SMCHD1: variants seen among roughly 807,000 people sequenced by gnomAD.
The protein encoded by SMCHD1 is structural maintenance of chromosomes flexible hinge domain containing 1, also known as structural maintenance of chromosomes flexible hinge domain-containing protein 1.
SMCHD1 carries 78 observed loss-of-function variants against 254.7 expected under a neutral mutation model. The observed-to-expected ratio is 0.31, with a 90% CI of 0.26 to 0.37. The LOEUF is 0.37. Ranked by LOEUF, SMCHD1 falls within the 10% of genes least tolerant of loss-of-function variation. The pLI is 1.00. For synonymous variants in SMCHD1, 766 were observed against 794.9 expected (o/e 0.96, Z 0.61); for missense variants, 1,840 against 2,408.1 (o/e 0.76, Z 4.94).
chr18:2,785,647 CAAA>C (rs1555656125), intron 45 of SMCHD1, among the ~76,000 whole-genome samples: 7 of 12,670 alleles, frequency 5.5e-4, no homozygotes, highest in Non-Finnish European at 1.1e-3. Flanking sequence ...GACTCTGTCT[CAAA>C]AAAAAAAAAA....
rs902950556 is a variant in SMCHD1, at chr18:2,732,631, G to A, written c.3276+139G>A. On this transcript the variant is annotated intron_variant, in intron 25 of 47. Coordinates refer to ENST00000320876, the MANE Select transcript of SMCHD1 (RefSeq NM_015295.3). Reference sequence around the variant, plus strand: ...GTTATACTATCATTTCAAATTGTAAGCAGAATAAGCTTTTTTCATGGAATA... The same window carrying A: ...GTTATACTATCATTTCAAATTGTAAACAGAATAAGCTTTTTTCATGGAATA... The A allele has an allele frequency of 4.2e-5, 24 of 576,182 alleles. No individual in the cohort carries two copies. In the East Asian group the frequency reaches 6.7e-4, roughly 16 times the overall value. The allele number at this position is 576,182 out of a possible 1,614,324, so 35.7% of individuals were successfully genotyped here.
At chr18:2,656,871 G>T (rs143131797) in intron 1 of SMCHD1, among the ~76,000 whole-genome samples, 1 of 152,182 alleles carries the variant, frequency 6.6e-6, no homozygotes, top group Admixed American at 6.5e-5. Context: ...CTGCCTGTCT[G>T]AGCCCTAACC....
At chr18:2,693,886 C>T (rs2074234052) in intron 7 of SMCHD1, among the ~76,000 whole-genome samples, 1 of 152,196 alleles carries the variant, frequency 6.6e-6, no homozygotes, top group Non-Finnish European at 1.5e-5. Context: ...CCGCCTCAAC[C>T]TCCCAAAGTG....
chr18:2,763,591 A>T, intron 36 of SMCHD1, 46 bp from the exon 37 acceptor site: 1 of 1,431,748 alleles, frequency 7.0e-7, no homozygotes, highest in East Asian at 2.5e-5. Flanking sequence ...TCTGGGTTTA[A>T]TCTTCTCATC....
Position 2,789,454 on chromosome 18 carries a change from C to T in SMCHD1, c.5719+4833C>T, listed in dbSNP as rs558713323. On this transcript the variant is annotated intron_variant, in intron 45 of 47. Transcript: ENST00000320876. ...GGAAGGTGAATAAAAATACAAATAT[C>T]ACACGTTAAAAATTAAACCTTTAAA... Among the ~76,000 whole-genome samples, 8 of 152,234 alleles carry T rather than the reference C, an allele frequency of 5.3e-5. No homozygotes were observed. In the East Asian group the frequency reaches 1.5e-3, roughly 29 times the overall value.
chr18:2,799,086 CA>C (rs746696790), intron 47 of SMCHD1, among the ~76,000 whole-genome samples: 6 of 152,016 alleles, frequency 3.9e-5, no homozygotes, highest in African/African-American at 4.8e-5. Context: ...TATAGATTTA[CA>C]GTGTTGTACT....
chr18:2,688,863 A>G (rs545122267), intron 7 of SMCHD1, 116 bp downstream of exon 7: 33 of 615,554 alleles, frequency 5.4e-5, no homozygotes, highest in African/African-American at 5.1e-4. Flanking sequence ...TTTAGTCATA[A>G]TAACAAAAAT....
intron 8 of SMCHD1, 77 bp downstream of exon 8, chr18:2,694,770 G>A (rs1458903703): frequency 7.2e-6 from 9 of 1,256,744 alleles, no homozygotes; most frequent in Non-Finnish European, 1.0e-5. Context: ...ATATATTGAA[G>A]CCTCTTTGGT....
rs932051534 is a variant in SMCHD1 at position 2,804,675 on chromosome 18, C to T, written c.*2123C>T. The T allele has an allele frequency of 6.6e-6, 1 of 152,106 alleles. No individual in the cohort carries two copies. The highest frequency in any genetic ancestry group is 2.4e-5 in the African/African-American group (1 of 41,408). 9.4% of individuals were successfully genotyped at this position (152,106 alleles called of 1,614,324 possible). ...GTTGGATTTATCTAAGGATATTTCT[C>T]AGCATATTAAGGAATCCTTTTCTAC... On this transcript the variant is annotated 3_prime_UTR_variant, in exon 48 of 48. Coordinates refer to ENST00000320876, the MANE Select transcript of SMCHD1 (RefSeq NM_015295.3).
chr18:2,755,430 G>A (rs552767702), intron 34 of SMCHD1, among the ~76,000 whole-genome samples: 1 of 151,920 alleles, frequency 6.6e-6, no homozygotes, highest in South Asian at 2.1e-4. Flanking sequence ...CAAAGTGCTG[G>A]GATTACAGAT....
In SMCHD1 at chr18:2,777,668, A is replaced by G. The variant is rs1598435648; in HGVS notation, c.5367-138A>G. On this transcript the variant is annotated intron_variant, in intron 42 of 47. Coordinates refer to ENST00000320876, the MANE Select transcript of SMCHD1 (RefSeq NM_015295.3). ...AAGGGCATAATAGCTGATCATTTAG[A>G]AGTATCACTTGTGGTGGATTGGGAA... is the stretch of plus-strand genomic sequence containing the variant. 9.5e-6 allele frequency: 5 copies of G among 528,522 alleles called. No homozygotes were observed. In the East Asian group the frequency reaches 1.5e-4, roughly 16 times the overall value. The allele number at this position is 528,522 out of a possible 1,614,324, so 32.7% of individuals were successfully genotyped here.
At position 2,769,761 on chromosome 18, in the gene SMCHD1, G is replaced by A. The variant is rs770649222; in HGVS notation, c.4787G>A (p.Arg1596Gln). The A allele has an allele frequency of 2.1e-5, 33 of 1,603,706 alleles. No individual in the cohort carries two copies. The highest frequency in any genetic ancestry group is 4.5e-5 in the East Asian group (2 of 44,698). Residue 1596 changes from arginine (R) to glutamine (Q), a missense_variant, in exon 38 of 48, where the codon CGG (arginine) becomes CAG (glutamine). Coordinates refer to ENST00000320876, the MANE Select transcript of SMCHD1 (RefSeq NM_015295.3). The stretch of plus-strand genomic sequence containing the variant: ...GAATATTTTATTGTATTTGAGCCCC[G>A]GCTACCACTTTTATCAAGAACCTTA... ...STEYFIVFEP[R>Q]LPLLSRTLEP...
chr18:2,762,492 C>CTTT (rs10708453), intron 36 of SMCHD1, among the ~76,000 whole-genome samples: 201 of 126,812 alleles, frequency 1.6e-3, no homozygotes, highest in African/African-American at 5.5e-3. Context: ...ATCTGCCTAC[C>CTTT]TTTTTTTTTT....
At chr18:2,675,985 T>C (rs1196073919) in intron 5 of SMCHD1, among the ~76,000 whole-genome samples, 2 of 152,216 alleles carry the variant, frequency 1.3e-5, no homozygotes, top group African/African-American at 4.8e-5. Flanking sequence ...TGTTAGGTAC[T>C]CGTACTGTCT....
chr18:2,761,301 C>T (rs961623066), intron 35 of SMCHD1, among the ~76,000 whole-genome samples: 7 of 152,068 alleles, frequency 4.6e-5, no homozygotes, highest in African/African-American at 1.7e-4. Flanking sequence ...TGAAAAACTA[C>T]CTATTAGGTA....
intron 30 of SMCHD1, 48 bp from the exon 31 acceptor site, chr18:2,749,995 G>A: frequency 6.8e-7 from 1 of 1,460,340 alleles, no homozygotes; most frequent in Non-Finnish European, 9.3e-7. Flanking sequence ...GAACTTGATT[G>A]ATCTCTAGAA....
At chr18:2,745,450 T>TGA (rs1315623532) in intron 29 of SMCHD1, among the ~76,000 whole-genome samples, 4 of 152,238 alleles carry the variant, frequency 2.6e-5, no homozygotes, top group African/African-American at 9.6e-5. Context: ...TTTTCACTTG[T>TGA]GAGTTTAAAA....
chr18:2,688,187 GT>G, intron 5 of SMCHD1, among the ~76,000 whole-genome samples: 1 of 152,346 alleles, frequency 6.6e-6, no homozygotes, highest in South Asian at 2.1e-4. Context: ...TTTCTTAAAA[GT>G]TTTCAGCTAA....
At chr18:2,773,162 G>A (rs987916387) in intron 41 of SMCHD1, among the ~76,000 whole-genome samples, 23 of 152,208 alleles carry the variant, frequency 1.5e-4, no homozygotes, top group African/African-American at 4.3e-4. Context: ...ACCGTGTTAC[G>A]TTATTACCCA....
Sources: gnomAD v4.1 joint callset for allele counts (sites outside exome capture counted in the v4.1 genomes callset) on GRCh38, gnomAD v4.1.1 for gene constraint, MANE v1.5 for transcripts, NCBI Gene and HGNC (gene_info 2026-07-23, HGNC 2026-07-21) for gene names.